ROBO1: variants seen among roughly 807,000 people sequenced by gnomAD.
The protein encoded by ROBO1 is roundabout guidance receptor 1.
In ROBO1, 149 loss-of-function variants were observed where a neutral mutation model predicts 195.9. That is an observed-to-expected ratio of 0.76 (90% CI 0.67 to 0.87). The LOEUF (loss-of-function observed/expected upper bound fraction) is 0.87. ROBO1 is among the 40% of genes least tolerant of loss of function. The pLI is 0.00. For synonymous variants in ROBO1, 816 were observed against 733.2 expected (o/e 1.11, Z -1.82); for missense variants, 1,933 against 2,068.3 (o/e 0.93, Z 1.27).
In ROBO1 at chr3:78,670,142, C is replaced by A; in HGVS notation, c.1502G>T (p.Arg501Leu). 6.2e-7 allele frequency: 1 copy of A among 1,613,392 alleles called. No homozygotes were observed. The highest frequency in any genetic ancestry group is 2.2e-5 in the East Asian group (1 of 44,852). The change falls in exon 11 of 31, where the codon CGA becomes CTA. Residue 501 changes from arginine to leucine, a missense_variant. This residue lies in a region of ROBO1 where 1,737 missense variants were observed against 1,882.5 expected (regional missense o/e 0.92). Transcript: ENST00000464233. ...TACTCCATTCTCCAACTGTTTGATT[C>A]GAGAGTCTTGGGTTGAAACGAGGAC... ...DGVLVSTQDS[R>L]IKQLENGVLQ...
intron 2 of ROBO1, among the ~76,000 whole-genome samples, chr3:79,262,586 T>C (rs986012923): frequency 3.3e-5 from 5 of 151,856 alleles, no homozygotes; most frequent in African/African-American, 9.7e-5. Flanking sequence ...ATTGAAGCAA[T>C]AGGAAAGGGA....
intron 1 of ROBO1, among the ~76,000 whole-genome samples, chr3:79,756,347 C>T (rs1704394419): frequency 1.3e-5 from 2 of 151,780 alleles, no homozygotes; most frequent in South Asian, 2.1e-4. Flanking sequence ...GTTAGGAGTT[C>T]GAGATCAGCC....
chr3:79,556,674 A>G (rs577131566), intron 2 of ROBO1, among the ~76,000 whole-genome samples: 1 of 152,054 alleles, frequency 6.6e-6, no homozygotes, highest in African/African-American at 2.4e-5. Flanking sequence ...ATTTATATGT[A>G]CTCATGTTTA....
chr3:78,855,725 G>C (rs1317707404), intron 4 of ROBO1, among the ~76,000 whole-genome samples: 1 of 151,684 alleles, frequency 6.6e-6, no homozygotes, highest in African/African-American at 2.4e-5. Flanking sequence ...CTAGGTCACA[G>C]ACAAGAATAA....
At position 78,714,489 on chromosome 3, in the gene ROBO1, C is replaced by T; in HGVS notation, c.953G>A (p.Arg318Lys). The stretch of plus-strand genomic sequence containing the variant: ...ACCCATGTCACCAGCTGTCACCTTC[C>T]TAATTTTCAAGGTATGATCATCTCG... Reference protein sequence around the residue: ...EIRDDHTLKIRKVTAGDMGSY... With the variant: ...EIRDDHTLKIKKVTAGDMGSY... The change falls in exon 8 of 31, where the codon AGG (arginine) becomes AAG (lysine). Residue 318 changes from arginine to lysine, a missense_variant. Physicochemically the swap from Arg to Lys is conservative, Grantham distance 26 (BLOSUM62 2). This residue lies in a region of ROBO1 where 1,737 missense variants were observed against 1,882.5 expected (regional missense o/e 0.92). Transcript: ENST00000464233. 6.2e-7 allele frequency: 1 copy of T among 1,612,288 alleles called. No individual in the cohort carries two copies. The highest frequency in any genetic ancestry group is 1.1e-5 in the South Asian group (1 of 90,662).
At chr3:78,951,012 C>A (rs1257644507) in intron 3 of ROBO1, among the ~76,000 whole-genome samples, 7 of 151,464 alleles carry the variant, frequency 4.6e-5, no homozygotes, top group Non-Finnish European at 1.0e-4. Flanking sequence ...GAGGGAAAAC[C>A]TATATCATAA....
At chr3:79,153,298 C>T (rs2080805016) in intron 2 of ROBO1, among the ~76,000 whole-genome samples, 1 of 151,714 alleles carries the variant, frequency 6.6e-6, no homozygotes, top group African/African-American at 2.4e-5. Context: ...TGGGTCTCCA[C>T]TAATAAAATC....
At chr3:79,212,074 C>T (rs374051990) in intron 2 of ROBO1, among the ~76,000 whole-genome samples, 1 of 152,228 alleles carries the variant, frequency 6.6e-6, no homozygotes, top group Admixed American at 6.5e-5. Context: ...GTCCTTAAGG[C>T]ACAGATCGCT....
chr3:79,214,876 G>T (rs183108446), intron 2 of ROBO1, among the ~76,000 whole-genome samples: 1 of 143,830 alleles, frequency 7.0e-6, no homozygotes, highest in Non-Finnish European at 1.5e-5. Flanking sequence ...TTCCCTAACC[G>T]CCCTCAACTC....
chr3:79,502,627 G>GGGTA (rs1417704438), intron 2 of ROBO1, among the ~76,000 whole-genome samples: 2 of 152,162 alleles, frequency 1.3e-5, no homozygotes, highest in Non-Finnish European at 2.9e-5. Context: ...CGGGACTGGC[G>GGGTA]GGTAGCTCCA....
chr3:78,716,814 C>T (rs569599390), intron 7 of ROBO1, among the ~76,000 whole-genome samples: 117 of 152,194 alleles, frequency 7.7e-4, no homozygotes, highest in African/African-American at 2.2e-3. Flanking sequence ...ATCTCTGCTC[C>T]TGGCCAATTT....
At chr3:79,523,412 A>T (rs1243467406) in intron 2 of ROBO1, among the ~76,000 whole-genome samples, 1 of 151,944 alleles carries the variant, frequency 6.6e-6, no homozygotes. Context: ...TTGAAAAAAA[A>T]ATTGTTCACC....
At chr3:79,750,410 T>C (rs1404163345) in intron 1 of ROBO1, among the ~76,000 whole-genome samples, 2 of 152,172 alleles carry the variant, frequency 1.3e-5, no homozygotes, top group East Asian at 3.9e-4. Context: ...GGGGGACTGT[T>C]AGGAAGGCAT....
intron 4 of ROBO1, among the ~76,000 whole-genome samples, chr3:78,829,272 C>T (rs1290784069): frequency 1.3e-5 from 2 of 152,040 alleles, no homozygotes; most frequent in African/African-American, 2.4e-5. Flanking sequence ...GCTTTTTCCC[C>T]TTTTATCTCG....
intron 4 of ROBO1, among the ~76,000 whole-genome samples, chr3:78,767,723 T>C (rs1011057949): frequency 1.3e-5 from 2 of 152,202 alleles, no homozygotes; most frequent in South Asian, 4.1e-4. Context: ...AAGGTGTTCA[T>C]AGTAACCTCA....
chr3:78,799,630 C>G (rs1165654125), intron 4 of ROBO1, among the ~76,000 whole-genome samples: 1 of 152,002 alleles, frequency 6.6e-6, no homozygotes, highest in African/African-American at 2.4e-5. Flanking sequence ...CGTGAGCCAC[C>G]GCGCCCGGCC....
chr3:79,401,803 A>G (rs757932052), intron 2 of ROBO1, among the ~76,000 whole-genome samples: 9 of 151,890 alleles, frequency 5.9e-5, no homozygotes, highest in Non-Finnish European at 1.2e-4. Flanking sequence ...AAATAAAAAT[A>G]TATTATATAA....
At chr3:79,266,571 G>A (rs904475762) in intron 2 of ROBO1, among the ~76,000 whole-genome samples, 1 of 151,444 alleles carries the variant, frequency 6.6e-6, no homozygotes, top group African/African-American at 2.4e-5. Context: ...TTTAAGCATG[G>A]ACTTCACATT....
chr3:79,246,850 A>T (rs996904911), intron 2 of ROBO1, among the ~76,000 whole-genome samples: 8 of 152,012 alleles, frequency 5.3e-5, no homozygotes, highest in Non-Finnish European at 8.8e-5. Flanking sequence ...CCCTTCCATA[A>T]ATTAAAGCTA....
Sources: allele counts gnomAD v4.1 joint callset (sites outside exome capture counted in the v4.1 genomes callset), GRCh38; gene constraint gnomAD v4.1.1; regional missense constraint gnomAD v4.1.1; transcripts MANE v1.5; gene names NCBI Gene and HGNC (gene_info 2026-07-23, HGNC 2026-07-21).